The following RAI14 variants were observed in gnomAD, a reference collection of about 807,000 sequenced individuals.
RAI14 encodes retinoic acid induced 14, also known as ankycorbin.
RAI14 carries 45 observed loss-of-function variants against 115.4 expected under a neutral mutation model. The observed-to-expected ratio is 0.39, with a 90% CI of 0.31 to 0.50. RAI14 has a LOEUF of 0.50. Among genes scored for constraint, RAI14 ranks in the 20% least tolerant of loss-of-function variants. The pLI, the probability that RAI14 is intolerant of heterozygous loss-of-function variation, is 0.85. For synonymous variants in RAI14, 371 were observed against 415.4 expected (o/e 0.89, Z 1.30); for missense variants, 939 against 1,131.2 (o/e 0.83, Z 2.44).
chr5:34,733,300 C>G (rs1453814969), intron 2 of RAI14: 2 of 152,120 alleles, frequency 1.3e-5, no homozygotes, highest in African/African-American at 4.8e-5. Flanking sequence ...GCTAAATAAG[C>G]GAATGAATGA....
At chr5:34,688,430 A>G in intron 2 of RAI14, 1 of 513,010 alleles carries the variant, frequency 1.9e-6, no homozygotes, top group South Asian at 4.1e-5. Flanking sequence ...ACAGGGGCCC[A>G]GAGGAATGAT....
At chr5:34,674,014 G>GT (rs1210771272) in intron 1 of RAI14, among the ~76,000 whole-genome samples, 4 of 152,136 alleles carry the variant, frequency 2.6e-5, no homozygotes, top group Admixed American at 1.3e-4. Flanking sequence ...ACCACTTATG[G>GT]ATCCACTACT....
chr5:34,793,742 A>G (rs1753194158), intron 3 of RAI14, among the ~76,000 whole-genome samples: 2 of 152,168 alleles, frequency 1.3e-5, no homozygotes, highest in Non-Finnish European at 2.9e-5. Context: ...CTACTCTCTT[A>G]TTTAGATACT....
chr5:34,672,359 G>T (rs1743678937), intron 1 of RAI14, among the ~76,000 whole-genome samples: 2 of 152,128 alleles, frequency 1.3e-5, no homozygotes, highest in African/African-American at 4.8e-5. Context: ...TAGATGCAAG[G>T]TATGTAGGTT....
rs146458189 is a variant in RAI14, at chr5:34,776,995, C to T, written c.168-18944C>T. The stretch of plus-strand genomic sequence containing the variant: ...ACCAGCCTGGCCAACATGGTGAAAC[C>T]CCATCTCTACTAAAAAAATACAAAA... On this transcript the variant is annotated intron_variant, in intron 3 of 17. Coordinates refer to ENST00000265109, the MANE Select transcript of RAI14 (RefSeq NM_015577.3). Among the ~76,000 whole-genome samples the T allele has an allele frequency of 2.2e-4, 34 of 151,670 alleles. 1 individual carries two copies. In the East Asian group the frequency reaches 6.4e-3, roughly 29 times the overall value.
At chr5:34,731,654 GA>G (rs1276055216) in intron 2 of RAI14, among the ~76,000 whole-genome samples, 8 of 151,202 alleles carry the variant, frequency 5.3e-5, no homozygotes, top group African/African-American at 1.9e-4. Flanking sequence ...GGAACAAAAA[GA>G]AAAAAAGGTA....
At position 34,691,773 on chromosome 5, in the gene RAI14, C is replaced by T. The variant is rs531880275; in HGVS notation, c.36+4818C>T. 1.1e-4 allele frequency among the ~76,000 whole-genome samples: 17 copies of T among 151,970 alleles called. 1 individual carries two copies. The South Asian group carries it at 1.5e-3, about 13-fold the overall frequency. On this transcript the variant is annotated intron_variant, in intron 2 of 17. Transcript: ENST00000265109. ...ATATTTCATTGTAATAGGGAAGTAG[C>T]GGACATTCCATTAAAAAAATCAAAA...
intron 2 of RAI14, among the ~76,000 whole-genome samples, chr5:34,743,792 G>T (rs1745826374): frequency 1.3e-5 from 2 of 152,230 alleles, no homozygotes; most frequent in South Asian, 4.1e-4. Context: ...TTCCAAAAGG[G>T]TGTGTATGGG....
chr5:34,721,410 G>A (rs905322970), intron 2 of RAI14, among the ~76,000 whole-genome samples: 2 of 149,854 alleles, frequency 1.3e-5, no homozygotes, highest in Admixed American at 1.3e-4. Context: ...TGTAAAATAT[G>A]TACATATGTT....
At chr5:34,757,317 G>A (rs749767669) in intron 2 of RAI14, 151 bp from the exon 3 acceptor site, 13 of 874,894 alleles carry the variant, frequency 1.5e-5, no homozygotes, top group Non-Finnish European at 2.4e-5. Context: ...TCTCCATGGT[G>A]AAGGGGAAGG....
intron 2 of RAI14, among the ~76,000 whole-genome samples, chr5:34,721,266 T>C (rs944366720): frequency 2.1e-5 from 3 of 145,390 alleles, no homozygotes; most frequent in Admixed American, 7.0e-5. Flanking sequence ...TAGATATGTG[T>C]GTGTATGTAT....
At chr5:34,673,675 C>A (rs1334867828) in intron 1 of RAI14, among the ~76,000 whole-genome samples, 1 of 152,158 alleles carries the variant, frequency 6.6e-6, no homozygotes, top group Non-Finnish European at 1.5e-5. Flanking sequence ...CCTTATGTGA[C>A]CCCACATCCT....
intron 10 of RAI14, among the ~76,000 whole-genome samples, chr5:34,812,669 A>C (rs541164913): frequency 9.2e-5 from 14 of 152,180 alleles, no homozygotes; most frequent in Non-Finnish European, 2.9e-5. Flanking sequence ...CCGTCTCAAA[A>C]AAAAAAGGTG....
chr5:34,799,672 A>G (rs1754013192), intron 4 of RAI14, among the ~76,000 whole-genome samples: 1 of 147,956 alleles, frequency 6.8e-6, no homozygotes, highest in African/African-American at 2.5e-5. Context: ...TATAGAAGCA[A>G]GAATCTGTTA....
intron 10 of RAI14, among the ~76,000 whole-genome samples, chr5:34,812,618 T>C (rs2150263141): frequency 6.6e-6 from 1 of 152,112 alleles, no homozygotes; most frequent in South Asian, 2.1e-4. Context: ...TGAGCTGAGA[T>C]TGCACGATTG....
intron 3 of RAI14, among the ~76,000 whole-genome samples, chr5:34,766,607 A>G (rs1051437160): frequency 4.6e-5 from 7 of 152,140 alleles, no homozygotes; most frequent in Admixed American, 2.0e-4. Flanking sequence ...TTTTGATTTT[A>G]CAGGCTCCTA....
chr5:34,678,919 T>C (rs1405790660), intron 1 of RAI14, among the ~76,000 whole-genome samples: 1 of 152,222 alleles, frequency 6.6e-6, no homozygotes. Context: ...TTCCCTCTAT[T>C]GTGAGTTGCC....
At chr5:34,708,059 A>G (rs1740920078) in intron 2 of RAI14, among the ~76,000 whole-genome samples, 1 of 152,226 alleles carries the variant, frequency 6.6e-6, no homozygotes, top group Non-Finnish European at 1.5e-5. Flanking sequence ...AAAGTGGAGT[A>G]AGGAAAGGTT....
At chr5:34,721,291 GTATATATATA>G (rs10538679) in intron 2 of RAI14, among the ~76,000 whole-genome samples, 2,207 of 131,142 alleles carry the variant, frequency 0.017, 41 homozygotes, top group African/African-American at 0.045. Flanking sequence ...ATGTAGATGT[GTATATATATA>G]TATATATATA....
Sources: allele counts gnomAD v4.1 joint callset (sites outside exome capture counted in the v4.1 genomes callset), GRCh38; gene constraint gnomAD v4.1.1; transcripts MANE v1.5; gene names NCBI Gene and HGNC (gene_info 2026-07-23, HGNC 2026-07-21).